The following ATP8A1 variants were observed in gnomAD, a reference collection of about 807,000 sequenced individuals.
The protein encoded by ATP8A1 is ATPase phospholipid transporting 8A1.
A neutral mutation model predicts 177.7 loss-of-function variants in ATP8A1; 90 were observed. The ratio of observed to expected loss-of-function variants is 0.51; its 90% CI spans 0.43 to 0.60. The LOEUF (loss-of-function observed/expected upper bound fraction) is 0.60, where lower values mean the gene tolerates loss of function less well. Among genes scored for constraint, ATP8A1 ranks in the 20% least tolerant of loss-of-function variants. The pLI is 0.00. For synonymous variants in ATP8A1, 493 were observed against 485.9 expected, an observed-to-expected ratio of 1.01 and a Z score of -0.19; for missense variants, 1,072 against 1,392.8, an observed-to-expected ratio of 0.77 and a Z score of 3.67.
At chr4:42,470,186 A>G (rs1173642421) in intron 25 of ATP8A1, among the ~76,000 whole-genome samples, 1 of 152,210 alleles carries the variant, frequency 6.6e-6, no homozygotes, top group Non-Finnish European at 1.5e-5. Context: ...CTCCACAAAC[A>G]GAGGGTGGTC....
At chr4:42,534,228 AG>A (rs1354667818) in intron 20 of ATP8A1, among the ~76,000 whole-genome samples, 1 of 152,264 alleles carries the variant, frequency 6.6e-6, no homozygotes, top group Non-Finnish European at 1.5e-5. Flanking sequence ...CTAATCAATG[AG>A]GCACCAGAGA....
chr4:42,518,203 T>A (rs555018961), intron 22 of ATP8A1, among the ~76,000 whole-genome samples: 21 of 152,362 alleles, frequency 1.4e-4, no homozygotes, highest in African/African-American at 5.1e-4. Flanking sequence ...AATCCTATTA[T>A]AACATTTCCT....
intron 9 of ATP8A1, among the ~76,000 whole-genome samples, chr4:42,583,913 A>G (rs1039113293): frequency 6.6e-6 from 1 of 152,238 alleles, no homozygotes; most frequent in African/African-American, 2.4e-5. Context: ...CCAGTTAGGA[A>G]TGTCAGACTA....
intron 30 of ATP8A1, among the ~76,000 whole-genome samples, chr4:42,449,030 T>C (rs1165275678): frequency 6.6e-6 from 1 of 151,568 alleles, no homozygotes; most frequent in Non-Finnish European, 1.5e-5. Context: ...GAGACGGAGT[T>C]TTGCCATGTT....
intron 19 of ATP8A1, among the ~76,000 whole-genome samples, chr4:42,544,634 T>C (rs1243799904): frequency 2.0e-5 from 3 of 152,172 alleles, no homozygotes; most frequent in African/African-American, 7.2e-5. Context: ...TAAAAAGAGA[T>C]AGCAAATAAC....
intron 33 of ATP8A1, among the ~76,000 whole-genome samples, chr4:42,424,938 A>G (rs1194107860): frequency 6.6e-6 from 1 of 152,332 alleles, no homozygotes. Context: ...GACACCAACA[A>G]GATGAAAAAT....
In ATP8A1 at chr4:42,552,683, T is replaced by C. The variant is rs1036295242; in HGVS notation, c.1414-73A>G. The C allele has an allele frequency of 8.6e-5, 95 of 1,098,528 alleles. No homozygotes were observed. In the African/African-American group the frequency reaches 1.2e-3, roughly 14 times the overall value. 68.0% of individuals were successfully genotyped at this position (1,098,528 alleles called of 1,614,324 possible). On this transcript the variant is annotated intron_variant, in intron 16 of 36. Coordinates refer to ENST00000381668, the MANE Select transcript of ATP8A1 (RefSeq NM_006095.2). Reference sequence around the variant, plus strand: ...TGACACTGACAGTAATATTACTTCATGTCTATTAAGAACATAGTTGTTGGC... The same window carrying C: ...TGACACTGACAGTAATATTACTTCACGTCTATTAAGAACATAGTTGTTGGC...
chr4:42,447,516 T>C (rs1717413593), intron 30 of ATP8A1, among the ~76,000 whole-genome samples: 1 of 152,144 alleles, frequency 6.6e-6, no homozygotes, highest in South Asian at 2.1e-4. Flanking sequence ...AAGGAAGTGG[T>C]AGCTGATGCA....
intron 35 of ATP8A1, among the ~76,000 whole-genome samples, chr4:42,418,132 A>G (rs1042782625): frequency 1.4e-4 from 21 of 151,840 alleles, no homozygotes; most frequent in African/African-American, 5.1e-4. Flanking sequence ...GAAAGGTTAG[A>G]GAGAGCACTG....
chr4:42,628,542 TC>T (rs1440352450), intron 1 of ATP8A1, among the ~76,000 whole-genome samples: 7 of 152,140 alleles, frequency 4.6e-5, no homozygotes, highest in African/African-American at 1.7e-4. Flanking sequence ...GCACATTGTA[TC>T]CTTATCACCC....
At chr4:42,609,015 G>A (rs1736105698) in intron 5 of ATP8A1, among the ~76,000 whole-genome samples, 4 of 152,286 alleles carry the variant, frequency 2.6e-5, no homozygotes, top group Admixed American at 2.0e-4. Flanking sequence ...ACCACCAGGG[G>A]CTTGGCTGAA....
chr4:42,517,515 T>C (rs537012650), intron 22 of ATP8A1, among the ~76,000 whole-genome samples: 2 of 152,284 alleles, frequency 1.3e-5, no homozygotes, highest in Admixed American at 6.5e-5. Context: ...CAATGCCCAA[T>C]GTGAACCTGC....
intron 5 of ATP8A1, among the ~76,000 whole-genome samples, chr4:42,615,672 T>C (rs960843031): frequency 6.6e-6 from 1 of 152,214 alleles, no homozygotes; most frequent in Non-Finnish European, 1.5e-5. Flanking sequence ...TGACATCACA[T>C]GTGATTATTT....
chr4:42,603,826 T>C (rs528233391), intron 5 of ATP8A1, among the ~76,000 whole-genome samples: 182 of 152,346 alleles, frequency 1.2e-3, no homozygotes, highest in South Asian at 3.1e-3. Flanking sequence ...ATTCAGTTTC[T>C]ACAGTGTAGC....
intron 24 of ATP8A1, among the ~76,000 whole-genome samples, chr4:42,496,835 TAC>T (rs578236924): frequency 5.9e-5 from 9 of 151,738 alleles, no homozygotes; most frequent in Non-Finnish European, 1.3e-4. Context: ...TACATATATA[TAC>T]ACACACACAC....
At chr4:42,546,823 T>C (rs1215216149) in intron 19 of ATP8A1, among the ~76,000 whole-genome samples, 1 of 152,216 alleles carries the variant, frequency 6.6e-6, no homozygotes, top group African/African-American at 2.4e-5. Context: ...ACTCTCTCTT[T>C]GAATCCTCTT....
At chr4:42,437,779 C>G (rs1277581102) in intron 33 of ATP8A1, among the ~76,000 whole-genome samples, 1 of 152,098 alleles carries the variant, frequency 6.6e-6, no homozygotes, top group Non-Finnish European at 1.5e-5. Flanking sequence ...AACACCCTGC[C>G]CACCAACTGA....
chr4:42,641,629 AT>A (rs1365911383), intron 1 of ATP8A1, among the ~76,000 whole-genome samples: 1 of 152,200 alleles, frequency 6.6e-6, no homozygotes, highest in Non-Finnish European at 1.5e-5. Flanking sequence ...TGCTTGTAGG[AT>A]AGTTAACCCC....
Position 42,411,343 on chromosome 4 carries a change from G to A in ATP8A1, c.*1573C>T, listed in dbSNP as rs1432410233. On this transcript the variant is annotated 3_prime_UTR_variant, in exon 37 of 37. Coordinates refer to ENST00000381668, the MANE Select transcript of ATP8A1 (RefSeq NM_006095.2). ...TGTGAAAATATTAAACTCGAGAAGC[G>A]ATCTGAAAAAAAATCACCTCTTCTC... 6.6e-6 allele frequency: 1 copy of A among 151,772 alleles called. No homozygotes were observed. Among genetic ancestry groups the A allele is most frequent in the Non-Finnish European group, 1.5e-5 (1 of 67,912 alleles). The allele number at this position is 151,772 out of a possible 1,614,324, so 9.4% of individuals were successfully genotyped here.
Sources: allele counts gnomAD v4.1 joint callset (sites outside exome capture counted in the v4.1 genomes callset), GRCh38; gene constraint gnomAD v4.1.1; transcripts MANE v1.5; gene names NCBI Gene and HGNC (gene_info 2026-07-23, HGNC 2026-07-21).